The following TBPL1 variants were observed in gnomAD, a reference collection of about 807,000 sequenced individuals.
TBPL1 encodes TATA-box binding protein like 1, also known as TATA box-binding protein-like 1.
TBPL1 carries 4 observed loss-of-function variants against 22.1 expected under a neutral mutation model. The observed-to-expected ratio is 0.18, with a 90% confidence interval of 0.09 to 0.41. TBPL1 has a LOEUF of 0.41. TBPL1 is among the 10% of genes least tolerant of loss of function. The pLI, the probability that TBPL1 is intolerant of heterozygous loss-of-function variation, is 1.00. For missense variants in TBPL1, 115 were observed against 222.3 expected (o/e 0.52, Z 3.07); for synonymous variants, 64 against 71.0 (o/e 0.90, Z 0.50).
At chr6:133,979,726 A>G (rs1482019003) in intron 1 of TBPL1, among the ~76,000 whole-genome samples, 1 of 152,138 alleles carries the variant, frequency 6.6e-6, no homozygotes, top group Admixed American at 6.5e-5. Flanking sequence ...GGCTCACTGC[A>G]ACCTCCGCCT....
At chr6:133,971,020 CAG>C (rs1776211234) in intron 1 of TBPL1, among the ~76,000 whole-genome samples, 1 of 152,144 alleles carries the variant, frequency 6.6e-6, no homozygotes, top group Admixed American at 6.5e-5. Context: ...TACTGTGCAA[CAG>C]AACACCATAA....
At chr6:133,954,701 G>C (rs1316212264) in intron 1 of TBPL1, among the ~76,000 whole-genome samples, 1 of 152,152 alleles carries the variant, frequency 6.6e-6, no homozygotes, top group South Asian at 2.1e-4. Context: ...GGAGCAATTA[G>C]GTCAACCACA....
chr6:133,962,119 G>C (rs1229801738), intron 1 of TBPL1, among the ~76,000 whole-genome samples: 1 of 152,206 alleles, frequency 6.6e-6, no homozygotes, highest in Non-Finnish European at 1.5e-5. Context: ...GAGGAATGGT[G>C]TAAAGCTGAG....
Position 133,980,143 on chromosome 6 carries a change from T to C in TBPL1, c.18T>C (p.Asp6=). 1 of 1,584,552 alleles carries C rather than the reference T, an allele frequency of 6.3e-7. No homozygotes were observed. Among genetic ancestry groups the C allele is most frequent in the Non-Finnish European group, 8.6e-7 (1 of 1,166,778 alleles). MDADS[D]VALDILITNV... ...CCACCCCAATGGATGCAGACAGTGATGTTGCATTGGACATTCTAATTACAA... is the reference window on the plus strand; with the variant it reads ...CCACCCCAATGGATGCAGACAGTGACGTTGCATTGGACATTCTAATTACAA... Residue 6 remains aspartate, a synonymous_variant, in exon 2 of 7, where the codon GAT becomes GAC. Transcript: ENST00000237264.
At chr6:133,980,040 C>A in intron 1 of TBPL1, 42 bp from the exon 2 acceptor site, 1 of 1,304,822 alleles carries the variant, frequency 7.7e-7, no homozygotes, top group South Asian at 2.2e-5. Context: ...AGTGAATTAA[C>A]AACATTTAAG....
intron 2 of TBPL1, among the ~76,000 whole-genome samples, 182 bp downstream of exon 2, chr6:133,980,442 A>G (rs2114379290): frequency 6.6e-6 from 1 of 152,348 alleles, no homozygotes; most frequent in Non-Finnish European, 1.5e-5. Context: ...AAGCTTTTGT[A>G]CATAGAGTGC....
At chr6:133,970,797 A>G (rs553720065) in intron 1 of TBPL1, among the ~76,000 whole-genome samples, 11 of 152,112 alleles carry the variant, frequency 7.2e-5, no homozygotes, top group African/African-American at 2.4e-4. Context: ...AATTGAGTCT[A>G]TCTGTGTTGC....
At chr6:133,965,458 A>G (rs956820509) in intron 1 of TBPL1, among the ~76,000 whole-genome samples, 7 of 151,988 alleles carry the variant, frequency 4.6e-5, no homozygotes, top group South Asian at 2.1e-4. Context: ...CATAATACCT[A>G]TTTCGTAACA....
chr6:133,962,700 A>G (rs1270488927), intron 1 of TBPL1, among the ~76,000 whole-genome samples: 1 of 152,232 alleles, frequency 6.6e-6, no homozygotes, highest in Non-Finnish European at 1.5e-5. Context: ...AGGCCTGAAA[A>G]GTTTAAAGAG....
chr6:133,963,812 C>CA (rs764748716), intron 1 of TBPL1, among the ~76,000 whole-genome samples: 247 of 149,824 alleles, frequency 1.6e-3, no homozygotes, highest in Non-Finnish European at 2.9e-3. Flanking sequence ...GGGCGGATCA[C>CA]AAGGTCAGGA....
chr6:133,964,308 A>C (rs1776079881), intron 1 of TBPL1, among the ~76,000 whole-genome samples: 1 of 152,170 alleles, frequency 6.6e-6, no homozygotes, highest in Non-Finnish European at 1.5e-5. Context: ...TGAGTAAAAT[A>C]AGAAATTCCT....
At chr6:133,971,434 G>T (rs186926182) in intron 1 of TBPL1, among the ~76,000 whole-genome samples, 15 of 152,294 alleles carry the variant, frequency 9.8e-5, no homozygotes, top group African/African-American at 3.1e-4. Context: ...GTATTCAGCA[G>T]TGGGATTGCT....
intron 1 of TBPL1, among the ~76,000 whole-genome samples, chr6:133,961,729 G>T (rs749439641): frequency 1.9e-4 from 29 of 152,080 alleles, no homozygotes; most frequent in Non-Finnish European, 3.2e-4. Context: ...CTCCCAAAGT[G>T]CTGGGATTAC....
chr6:133,971,776 A>G lies in TBPL1; in HGVS notation c.-44-8306A>G, dbSNP rs578187090. 2.6e-5 allele frequency among the ~76,000 whole-genome samples: 4 copies of G among 152,084 alleles called. No homozygotes were observed. In the East Asian group the frequency reaches 5.8e-4, roughly 22 times the overall value. ...AAGGTGTTTTGCTTATTTTTTAATC[A>G]GATTATTTCTTTTGCTGAGTTGGTT... On this transcript the variant is annotated intron_variant, in intron 1 of 6. Transcript: ENST00000237264.
At chr6:133,969,681 A>C (rs1776184832) in intron 1 of TBPL1, among the ~76,000 whole-genome samples, 1 of 152,182 alleles carries the variant, frequency 6.6e-6, no homozygotes, top group Admixed American at 6.5e-5. Flanking sequence ...AACCCTGTGG[A>C]CTGACTCCTA....
chr6:133,980,962 A>ATTT lies in TBPL1; in HGVS notation c.135+724_135+726dup, dbSNP rs10713725. Among the ~76,000 whole-genome samples, 534 of 97,096 alleles carry ATTT rather than the reference A, an allele frequency of 5.5e-3. 13 individuals carry two copies. Among genetic ancestry groups the ATTT allele is most frequent in the African/African-American group, 0.018 (448 of 24,450 alleles). 63.7% of individuals were successfully genotyped at this position (97,096 alleles called of 152,430 possible). ...TATGTAAATTGCCATTAATTAATTA[A>ATTT]TTTTTTTTTTTTTTTTTTTTTTTTG... On this transcript the variant is annotated intron_variant, in intron 2 of 6. Coordinates refer to ENST00000237264, the MANE Select transcript of TBPL1 (RefSeq NM_004865.4).
chr6:133,982,501 C>A, intron 2 of TBPL1, 67 bp from the exon 3 acceptor site: 1 of 1,369,716 alleles, frequency 7.3e-7, no homozygotes, highest in African/African-American at 1.5e-5. Context: ...ATTAATATGA[C>A]TATATAGAAC....
intron 2 of TBPL1, among the ~76,000 whole-genome samples, chr6:133,980,630 A>G (rs1562666009): frequency 6.6e-6 from 1 of 151,574 alleles, no homozygotes; most frequent in Non-Finnish European, 1.5e-5. Flanking sequence ...TAATATTTTA[A>G]TTGTCATATT....
At chr6:133,979,646 A>G (rs565634229) in intron 1 of TBPL1, among the ~76,000 whole-genome samples, 1 of 152,282 alleles carries the variant, frequency 6.6e-6, no homozygotes, top group East Asian at 1.9e-4. Flanking sequence ...AAGAAAGGAC[A>G]TGATTTGGTT....
Sources: allele counts gnomAD v4.1 joint callset (sites outside exome capture counted in the v4.1 genomes callset), GRCh38; gene constraint gnomAD v4.1.1; transcripts MANE v1.5; gene names NCBI Gene and HGNC (gene_info 2026-07-23, HGNC 2026-07-21).